Variants in DLG1 observed in about 807,000 individuals in gnomAD.
The protein encoded by DLG1 is disks large homolog 1.
A neutral mutation model predicts 123.4 loss-of-function variants in DLG1; 42 were observed. That is an observed-to-expected ratio of 0.34 (90% CI 0.27 to 0.44). The LOEUF is 0.44. DLG1 is among the 20% of genes least tolerant of loss of function. The pLI is 1.00. For missense variants in DLG1, 942 were observed against 1,082.6 expected, an observed-to-expected ratio of 0.87 and a Z score of 1.82; for synonymous variants, 317 against 356.2, an observed-to-expected ratio of 0.89 and a Z score of 1.24.
chr3:197,101,384 G>A (rs1378362003), intron 14 of DLG1, among the ~76,000 whole-genome samples: 1 of 149,410 alleles, frequency 6.7e-6, no homozygotes, highest in Non-Finnish European at 1.5e-5. Context: ...ACTATCACAG[G>A]AGATTCTTTT....
intron 3 of DLG1, among the ~76,000 whole-genome samples, chr3:197,287,535 C>A (rs1772468328): frequency 6.6e-6 from 1 of 151,846 alleles, no homozygotes; most frequent in Non-Finnish European, 1.5e-5. Flanking sequence ...CTTTAAAAGC[C>A]AAGTTTAAAA....
intron 22 of DLG1, among the ~76,000 whole-genome samples, chr3:197,063,338 C>A (rs1479352126): frequency 1.3e-4 from 19 of 151,498 alleles, no homozygotes; most frequent in Non-Finnish European, 4.4e-5. Context: ...TAAAATAATA[C>A]AAAAATGTAT....
intron 4 of DLG1, among the ~76,000 whole-genome samples, chr3:197,263,651 G>C (rs571774115): frequency 1.3e-5 from 2 of 152,208 alleles, no homozygotes; most frequent in South Asian, 2.1e-4. Flanking sequence ...GCCAGGCGTG[G>C]TGGCGCATGC....
chr3:197,296,925 C>A, intron 2 of DLG1: 1 of 482,652 alleles, frequency 2.1e-6, no homozygotes, highest in Non-Finnish European at 3.7e-6. Flanking sequence ...TACTAAAACA[C>A]CAATTCAGGG....
chr3:197,247,977 G>T (rs563478190), intron 4 of DLG1, among the ~76,000 whole-genome samples: 1 of 152,200 alleles, frequency 6.6e-6, no homozygotes, highest in African/African-American at 2.4e-5. Context: ...GCACTGGCAG[G>T]TTCAGTATAA....
chr3:197,086,301 T>C (rs1754307638), intron 15 of DLG1, among the ~76,000 whole-genome samples: 1 of 152,218 alleles, frequency 6.6e-6, no homozygotes, highest in Non-Finnish European at 1.5e-5. Flanking sequence ...CTTTAACAGC[T>C]GCCAAATATT....
At chr3:197,111,877 T>C (rs571732309) in intron 13 of DLG1, among the ~76,000 whole-genome samples, 2 of 152,344 alleles carry the variant, frequency 1.3e-5, no homozygotes, top group South Asian at 4.1e-4. Flanking sequence ...TGTGTAAACA[T>C]ACCACAATTT....
intron 10 of DLG1, among the ~76,000 whole-genome samples, chr3:197,134,123 G>A (rs190998507): frequency 1.3e-4 from 20 of 152,330 alleles, no homozygotes; most frequent in African/African-American, 4.6e-4. Flanking sequence ...TGAGTGATGA[G>A]TGATGGTGAG....
intron 12 of DLG1, among the ~76,000 whole-genome samples, chr3:197,117,383 C>T (rs1215554894): frequency 6.6e-6 from 1 of 152,084 alleles, no homozygotes; most frequent in Non-Finnish European, 1.5e-5. Flanking sequence ...TACTTGCATG[C>T]CAGTGTTTAT....
intron 6 of DLG1, among the ~76,000 whole-genome samples, chr3:197,143,413 C>T (rs937550569): frequency 1.3e-5 from 2 of 151,990 alleles, no homozygotes; most frequent in African/African-American, 4.8e-5. Context: ...CTGCCCACCA[C>T]GCCCGGCTAA....
chr3:197,160,514 T>G (rs1171441972), intron 5 of DLG1, among the ~76,000 whole-genome samples: 1 of 152,154 alleles, frequency 6.6e-6, no homozygotes, highest in East Asian at 1.9e-4. Flanking sequence ...AGAGAGAATA[T>G]CCATTTGGAT....
Position 197,059,189 on chromosome 3 carries a change from T to C in DLG1, c.2483+700A>G, listed in dbSNP as rs143751380. 2.1e-3 allele frequency among the ~76,000 whole-genome samples: 323 copies of C among 152,236 alleles called. 10 individuals carry two copies. In the East Asian group the frequency reaches 0.028, roughly 13 times the overall value. On this transcript the variant is annotated intron_variant, in intron 23 of 24. Coordinates refer to ENST00000667157, the MANE Select transcript of DLG1 (RefSeq NM_001366207.1). ...ATCTGCCCGCCTCAGCCTCCCAAAGTGGTGGGATTACAGACGTGAGCCACT... is the reference window on the plus strand; with the variant it reads ...ATCTGCCCGCCTCAGCCTCCCAAAGCGGTGGGATTACAGACGTGAGCCACT...
At chr3:197,236,380 C>A (rs1745977743) in intron 4 of DLG1, among the ~76,000 whole-genome samples, 1 of 151,860 alleles carries the variant, frequency 6.6e-6, no homozygotes, top group Non-Finnish European at 1.5e-5. Flanking sequence ...GAATTCATCA[C>A]CAGAAGAAAT....
intron 16 of DLG1, among the ~76,000 whole-genome samples, chr3:197,085,070 G>A (rs1332600499): frequency 1.3e-5 from 2 of 151,544 alleles, no homozygotes; most frequent in Non-Finnish European, 2.9e-5. Context: ...TTACAGGAAT[G>A]AGCCACCGTG....
chr3:197,106,544 T>A (rs1394119619), intron 13 of DLG1, among the ~76,000 whole-genome samples: 1 of 151,882 alleles, frequency 6.6e-6, no homozygotes, highest in Admixed American at 6.6e-5. Context: ...TATAAACAGT[T>A]CTACTTAGTG....
chr3:197,084,047 A>G (rs1296493021), intron 16 of DLG1, among the ~76,000 whole-genome samples: 1 of 152,082 alleles, frequency 6.6e-6, no homozygotes, highest in Non-Finnish European at 1.5e-5. Flanking sequence ...AGACCAGTGA[A>G]CTGCACCAAT....
intron 23 of DLG1, among the ~76,000 whole-genome samples, chr3:197,052,338 C>T (rs1377282692): frequency 6.6e-6 from 1 of 151,984 alleles, no homozygotes; most frequent in East Asian, 2.0e-4. Flanking sequence ...GCCTGTAATC[C>T]TAGCTACCTG....
At chr3:197,123,200 A>G (rs1478811233) in intron 11 of DLG1, among the ~76,000 whole-genome samples, 1 of 152,196 alleles carries the variant, frequency 6.6e-6, no homozygotes, top group Non-Finnish European at 1.5e-5. Context: ...AAGCTCCTAC[A>G]AGTCCCTTAT....
At chr3:197,165,189 T>A (rs1354035542) in intron 5 of DLG1, among the ~76,000 whole-genome samples, 1 of 152,172 alleles carries the variant, frequency 6.6e-6, no homozygotes, top group Admixed American at 6.5e-5. Context: ...CACAGTGGCG[T>A]TATTAATATA....
Sources: gnomAD v4.1 joint callset for allele counts (sites outside exome capture counted in the v4.1 genomes callset) on GRCh38, gnomAD v4.1.1 for gene constraint, MANE v1.5 for transcripts, NCBI Gene and HGNC (gene_info 2026-07-23, HGNC 2026-07-21) for gene names.